THSD4: variants seen among roughly 807,000 people sequenced by gnomAD.
THSD4 encodes thrombospondin type 1 domain containing 4.
Under a neutral mutation model 119.0 loss-of-function variants are expected in THSD4, and 69 were observed. The observed-to-expected ratio is 0.58, with a 90% CI of 0.48 to 0.71. THSD4 has a LOEUF of 0.71. THSD4 is among the 30% of genes least tolerant of loss of function. The pLI is 0.00. For missense variants in THSD4, 1,393 were observed against 1,391.1 expected (o/e 1.00, Z -0.02); for synonymous variants, 524 against 540.4 (o/e 0.97, Z 0.42).
At chr15:71,400,834 G>GAA (rs111507067) in intron 6 of THSD4, among the ~76,000 whole-genome samples, 3 of 130,796 alleles carry the variant, frequency 2.3e-5, no homozygotes, top group Admixed American at 7.6e-5. Flanking sequence ...CACAAAAAAA[G>GAA]AAAAAAAAAA....
chr15:71,238,342 AT>A (rs761891187), intron 4 of THSD4, among the ~76,000 whole-genome samples: 8 of 152,228 alleles, frequency 5.3e-5, no homozygotes, highest in Non-Finnish European at 1.0e-4. Context: ...AAAAATCACC[AT>A]TTAAAAATAC....
At chr15:71,347,538 C>G (rs2045682270) in intron 6 of THSD4, among the ~76,000 whole-genome samples, 1 of 152,194 alleles carries the variant, frequency 6.6e-6, no homozygotes, top group Non-Finnish European at 1.5e-5. Context: ...CCTTACTTGA[C>G]TGATAACTTT....
chr15:71,156,533 G>A (rs1286121764), intron 3 of THSD4, among the ~76,000 whole-genome samples: 1 of 152,072 alleles, frequency 6.6e-6, no homozygotes, highest in Non-Finnish European at 1.5e-5. Flanking sequence ...CCAAAGTGCT[G>A]GGATTATAGG....
intron 6 of THSD4, among the ~76,000 whole-genome samples, chr15:71,329,689 C>T (rs1450399228): frequency 6.6e-6 from 1 of 152,160 alleles, no homozygotes; most frequent in African/African-American, 2.4e-5. Flanking sequence ...AATTACTCAT[C>T]GTGAAATTGA....
intron 8 of THSD4, among the ~76,000 whole-genome samples, chr15:71,691,876 C>T (rs772062945): frequency 1.3e-5 from 2 of 152,180 alleles, no homozygotes; most frequent in Non-Finnish European, 2.9e-5. Flanking sequence ...ATTGGCATAG[C>T]GTATCCCCAG....
Position 71,779,844 on chromosome 15 carries a change from C to CTG in THSD4, c.*2471_*2472insGT, listed in dbSNP as rs1458034708. 5.6e-5 allele frequency: 2 copies of CTG among 35,912 alleles called. No homozygotes were observed. Among genetic ancestry groups the CTG allele is most frequent in the Non-Finnish European group, 1.6e-4 (2 of 12,402 alleles). The allele number at this position is 35,912 out of a possible 1,614,324, so 2.2% of individuals were successfully genotyped here. A position where few individuals can be genotyped will look rare whatever the true frequency, so the allele number is the denominator to read the frequency against. On this transcript the variant is annotated 3_prime_UTR_variant, in exon 18 of 18. Coordinates refer to ENST00000261862, the MANE Select transcript of THSD4 (RefSeq NM_024817.3). ...GGGAGAAAGTGCATAAACCAGGGGT[C>CTG]TCTTTTTTTTTTTCAACAAACCATT...
chr15:71,610,335 T>C (rs189106683), intron 7 of THSD4, among the ~76,000 whole-genome samples: 1 of 152,314 alleles, frequency 6.6e-6, no homozygotes, highest in Admixed American at 6.5e-5. Flanking sequence ...TTATTCATTG[T>C]TCCTTCCAGT....
intron 14 of THSD4, among the ~76,000 whole-genome samples, chr15:71,755,706 C>CAAAAAAAAA (rs10555546): frequency 2.4e-4 from 12 of 50,286 alleles, no homozygotes; most frequent in Non-Finnish European, 3.9e-4. Flanking sequence ...TCAGCAAAGA[C>CAAAAAAAAA]AAAAAAAAAA....
intron 6 of THSD4, among the ~76,000 whole-genome samples, chr15:71,391,174 T>G (rs955005638): frequency 6.6e-6 from 1 of 151,848 alleles, no homozygotes; most frequent in African/African-American, 2.4e-5. Flanking sequence ...GACTACAGGC[T>G]CCCGCCACCA....
intron 6 of THSD4, chr15:71,341,205 T>C (rs1425193523): frequency 1.3e-6 from 2 of 1,556,814 alleles, no homozygotes; most frequent in East Asian, 4.5e-5. Context: ...TTCTGGGATA[T>C]CTTTTTCTTC....
chr15:71,523,419 G>T (rs1354074330), intron 7 of THSD4, among the ~76,000 whole-genome samples: 2 of 152,162 alleles, frequency 1.3e-5, no homozygotes, highest in African/African-American at 2.4e-5. Context: ...TGGATTTAGG[G>T]CCCACCTGGA....
At chr15:71,145,403 T>C (rs2040647985) in intron 2 of THSD4, among the ~76,000 whole-genome samples, 4 of 152,210 alleles carry the variant, frequency 2.6e-5, no homozygotes, top group Admixed American at 1.3e-4. Flanking sequence ...GGGAGACTTC[T>C]GGATTATTTT....
chr15:71,518,171 C>T (rs2048387381), intron 7 of THSD4, among the ~76,000 whole-genome samples: 1 of 152,174 alleles, frequency 6.6e-6, no homozygotes, highest in South Asian at 2.1e-4. Context: ...TTGAAAGTTT[C>T]CCTTACTTCT....
chr15:71,477,071 G>A (rs2047664665), intron 7 of THSD4, among the ~76,000 whole-genome samples: 1 of 152,154 alleles, frequency 6.6e-6, no homozygotes, highest in South Asian at 2.1e-4. Flanking sequence ...GTTCACCAAG[G>A]TAAACATACA....
At chr15:71,182,378 GTCT>G (rs767405045) in intron 3 of THSD4, among the ~76,000 whole-genome samples, 1 of 151,676 alleles carries the variant, frequency 6.6e-6, no homozygotes, top group South Asian at 2.1e-4. Flanking sequence ...CTTAAATGTG[GTCT>G]TCTTATAAAT....
At chr15:71,282,417 T>TTGAA (rs137875880) in intron 6 of THSD4, among the ~76,000 whole-genome samples, 50 of 151,822 alleles carry the variant, frequency 3.3e-4, no homozygotes, top group Admixed American at 1.4e-3. Flanking sequence ...AAGGAAGAAA[T>TTGAA]AGGAAAAAAG....
intron 15 of THSD4, among the ~76,000 whole-genome samples, chr15:71,762,902 C>G (rs918485600): frequency 6.6e-6 from 1 of 152,048 alleles, no homozygotes; most frequent in Admixed American, 6.6e-5. Flanking sequence ...AAAACCCCAT[C>G]TCTACTAAAA....
Position 71,771,168 on chromosome 15 carries a change from G to C in THSD4, c.2874G>C (p.Glu958Asp), listed in dbSNP as rs1567145254. ...GTGACCCTCAGTTGAAACCAGAAGA[G>C]AGAGAATCTTGTAACCCTCAGGACT... ...NLCDPQLKPE[E>D]RESCNPQDCV... is the part of the protein sequence containing the mutation. Residue 958 changes from glutamate to aspartate, a missense_variant, in exon 17 of 18, where the codon GAG (glutamate) becomes GAC (aspartate). Transcript: ENST00000261862. The C allele has an allele frequency of 1.9e-6, 3 of 1,614,102 alleles. No individual in the cohort carries two copies. Among genetic ancestry groups the C allele is most frequent in the Non-Finnish European group, 2.5e-6 (3 of 1,180,050 alleles).
At chr15:71,720,815 G>C (rs766531610) in intron 8 of THSD4, among the ~76,000 whole-genome samples, 13 of 152,236 alleles carry the variant, frequency 8.5e-5, no homozygotes, top group Non-Finnish European at 1.6e-4. Context: ...TCAGTATTCG[G>C]TTTGTTCGGC....
Sources: allele counts gnomAD v4.1 joint callset (sites outside exome capture counted in the v4.1 genomes callset), GRCh38; gene constraint gnomAD v4.1.1; transcripts MANE v1.5; gene names NCBI Gene and HGNC (gene_info 2026-07-23, HGNC 2026-07-21).